SLC9B1: variants seen among roughly 807,000 people sequenced by gnomAD.
The protein encoded by SLC9B1 is solute carrier family 9 member B1, also known as sodium/hydrogen exchanger 9B1.
In SLC9B1, 32 loss-of-function variants were observed where a neutral mutation model predicts 51.7. The observed-to-expected ratio is 0.62, with a 90% CI of 0.47 to 0.83. The LOEUF (loss-of-function observed/expected upper bound fraction) is 0.83, where lower values mean the gene tolerates loss of function less well. SLC9B1 is among the 40% of genes least tolerant of loss of function. The pLI, the probability that SLC9B1 is intolerant of heterozygous loss-of-function variation, is 0.00. For synonymous variants in SLC9B1, 145 were observed against 212.7 expected, an observed-to-expected ratio of 0.68 and a Z score of 2.77; for missense variants, 406 against 613.2, an observed-to-expected ratio of 0.66 and a Z score of 3.57.
chr4:103,004,182 A>T (rs1040210676), intron 1 of SLC9B1, among the ~76,000 whole-genome samples: 3 of 152,218 alleles, frequency 2.0e-5, no homozygotes, highest in Non-Finnish European at 4.4e-5. Context: ...CAAGGATTCT[A>T]AGGAATACAA....
intron 11 of SLC9B1, among the ~76,000 whole-genome samples, chr4:102,894,194 T>C (rs886745305): frequency 6.6e-6 from 1 of 152,138 alleles, no homozygotes; most frequent in Admixed American, 6.5e-5. Flanking sequence ...TTGAGTAAAA[T>C]AGAAATTGAA....
At chr4:102,925,044 C>G (rs755441139) in intron 7 of SLC9B1, among the ~76,000 whole-genome samples, 1 of 152,156 alleles carries the variant, frequency 6.6e-6, no homozygotes, top group Non-Finnish European at 1.5e-5. Context: ...ACCCAGCCAT[C>G]CCATTACTGG....
intron 7 of SLC9B1, among the ~76,000 whole-genome samples, chr4:102,929,526 T>G (rs1241644288): frequency 3.9e-5 from 6 of 152,198 alleles, no homozygotes; most frequent in Non-Finnish European, 8.8e-5. Context: ...AGAGGAATTT[T>G]TTTTTTCTTT....
chr4:102,962,457 T>G (rs1738188605), intron 3 of SLC9B1: 6 of 512,052 alleles, frequency 1.2e-5, no homozygotes, highest in Non-Finnish European at 2.4e-5. Flanking sequence ...ATACAGAGCA[T>G]TTTTGCAGAA....
intron 7 of SLC9B1, among the ~76,000 whole-genome samples, chr4:102,929,283 A>G (rs181660627): frequency 2.8e-3 from 434 of 152,310 alleles, no homozygotes; most frequent in Non-Finnish European, 4.7e-3. Flanking sequence ...GGAGAAGAGA[A>G]GAGTTAAATG....
intron 6 of SLC9B1, among the ~76,000 whole-genome samples, chr4:102,942,783 C>G: frequency 6.6e-6 from 1 of 152,030 alleles, no homozygotes; most frequent in East Asian, 1.9e-4. Flanking sequence ...ACTTCATGAC[C>G]AAGAACCCAA....
chr4:102,920,882 A>C (rs1735839009), intron 7 of SLC9B1, among the ~76,000 whole-genome samples: 1 of 152,250 alleles, frequency 6.6e-6, no homozygotes, highest in South Asian at 2.1e-4. Flanking sequence ...AAAGAAATGA[A>C]GAAAGCCTCC....
intron 11 of SLC9B1, 146 bp downstream of exon 11, chr4:102,905,368 T>C (rs1237167509): frequency 7.9e-6 from 8 of 1,010,124 alleles, no homozygotes; most frequent in East Asian, 2.6e-5. Context: ...CTGGTTACGT[T>C]AATTTTAATG....
intron 7 of SLC9B1, among the ~76,000 whole-genome samples, chr4:102,913,423 A>G (rs1421133440): frequency 2.0e-5 from 3 of 152,238 alleles, no homozygotes; most frequent in African/African-American, 7.2e-5. Context: ...ATGCATTCCC[A>G]GAAAAGGTTT....
chr4:102,934,416 T>C (rs1186611650), intron 6 of SLC9B1, among the ~76,000 whole-genome samples: 2 of 152,182 alleles, frequency 1.3e-5, no homozygotes, highest in African/African-American at 4.8e-5. Context: ...TCATAAATGG[T>C]GTTGAGATAA....
At chr4:102,955,069 G>C (rs201897329) in intron 3 of SLC9B1, among the ~76,000 whole-genome samples, 2 of 152,002 alleles carry the variant, frequency 1.3e-5, no homozygotes, top group Non-Finnish European at 2.9e-5. Context: ...GACTGGGGTT[G>C]CTCCCTGATA....
chr4:102,916,739 CT>C (rs1159385576), intron 7 of SLC9B1, among the ~76,000 whole-genome samples: 1 of 152,200 alleles, frequency 6.6e-6, no homozygotes, highest in African/African-American at 2.4e-5. Context: ...AGTATCTTTT[CT>C]GACCACATTA....
intron 11 of SLC9B1, among the ~76,000 whole-genome samples, chr4:102,886,356 T>TGGC (rs1233524898): frequency 1.3e-5 from 2 of 151,592 alleles, no homozygotes; most frequent in African/African-American, 4.8e-5. Flanking sequence ...CCAGGCGTGG[T>TGGC]GGCATGCACC....
intron 3 of SLC9B1, among the ~76,000 whole-genome samples, chr4:102,980,843 A>ACAT (rs1407538707): frequency 6.6e-6 from 1 of 152,194 alleles, no homozygotes; most frequent in African/African-American, 2.4e-5. Context: ...CTATATTAAC[A>ACAT]CATCATGGTC....
chr4:102,984,663 G>T (rs1209714223), intron 3 of SLC9B1, among the ~76,000 whole-genome samples: 1 of 152,046 alleles, frequency 6.6e-6, no homozygotes, highest in Non-Finnish European at 1.5e-5. Flanking sequence ...TTTGTATTTT[G>T]CTCTTTTGGG....
At chr4:102,949,636 A>T (rs1274636964) in intron 3 of SLC9B1, among the ~76,000 whole-genome samples, 2 of 152,196 alleles carry the variant, frequency 1.3e-5, no homozygotes, top group Admixed American at 6.5e-5. Flanking sequence ...TAGGTTTCAA[A>T]CAAAGTGTTT....
intron 1 of SLC9B1, among the ~76,000 whole-genome samples, chr4:103,009,010 G>A (rs759905087): frequency 1.3e-5 from 2 of 151,984 alleles, no homozygotes; most frequent in Non-Finnish European, 2.9e-5. Context: ...GTGTTAGCCA[G>A]GATGGTTTTG....
chr4:102,976,019 A>G (rs892912492), intron 3 of SLC9B1, among the ~76,000 whole-genome samples: 16 of 152,164 alleles, frequency 1.1e-4, no homozygotes, highest in African/African-American at 3.9e-4. Context: ...GAAAAGAAGA[A>G]TGGAATATGG....
chr4:102,920,314 G>A (rs1406829596), intron 7 of SLC9B1, among the ~76,000 whole-genome samples: 5 of 152,186 alleles, frequency 3.3e-5, no homozygotes, highest in African/African-American at 9.7e-5. Context: ...GCAGCTGAGG[G>A]TCCTGACTGT....
Sources: gnomAD v4.1 joint callset for allele counts (sites outside exome capture counted in the v4.1 genomes callset) on GRCh38, gnomAD v4.1.1 for gene constraint, MANE v1.5 for transcripts, NCBI Gene and HGNC (gene_info 2026-07-23, HGNC 2026-07-21) for gene names.